ZNF215: variants seen among roughly 807,000 people sequenced by gnomAD.
ZNF215 encodes the protein zinc finger protein 215.
In ZNF215, 24 loss-of-function variants were observed where a neutral mutation model predicts 27.2. The ratio of observed to expected loss-of-function variants is 0.88; its 90% CI spans 0.64 to 1.24. The LOEUF is 1.24. Ranked by LOEUF, ZNF215 falls within the 50% of genes most tolerant of loss-of-function variation. The pLI is 0.00. For missense variants in ZNF215, 675 were observed against 605.7 expected, an observed-to-expected ratio of 1.11 and a Z score of -1.20; for synonymous variants, 210 against 204.0, an observed-to-expected ratio of 1.03 and a Z score of -0.25.
downstream of ZNF215, among the ~76,000 whole-genome samples, chr11:6,986,510 A>G (rs1165369655): frequency 6.6e-6 from 1 of 152,090 alleles, no homozygotes; most frequent in Admixed American, 6.5e-5. Context: ...CAAACCAAAA[A>G]CTGACAAGTG....
downstream of ZNF215, among the ~76,000 whole-genome samples, chr11:6,986,280 A>T (rs1851052575): frequency 6.6e-6 from 1 of 152,164 alleles, no homozygotes; most frequent in Non-Finnish European, 1.5e-5. Flanking sequence ...CAATGGTGAA[A>T]AAACTCCCTA....
Position 6,957,076 on chromosome 11 carries a change from G to T in ZNF215, c.*545G>T. 1.0e-6 allele frequency: 1 copy of T among 985,776 alleles called. No homozygotes were observed. The highest frequency in any genetic ancestry group is 1.2e-6 in the Non-Finnish European group (1 of 830,186). 61.1% of individuals were successfully genotyped at this position (985,776 alleles called of 1,614,324 possible). A position where few individuals can be genotyped will look rare whatever the true frequency, so the allele number is the denominator to read the frequency against. On this transcript the variant is annotated 3_prime_UTR_variant, in exon 7 of 7. Transcript: ENST00000278319. The stretch of plus-strand genomic sequence containing the variant: ...TGACAATACCCTTTGTTGTCTTGCT[G>T]TTGAATGGAGACTAGAGTTGGGAAA...
Position 6,966,646 on chromosome 11 carries a change from T to C in ZNF215, c.805+10864T>C, listed in dbSNP as rs141275933. ...TTTCCTGATAGCATAACTTGTATTC[T>C]CCATTTATCTCTTAGTCTGGCTACT... On this transcript the variant is annotated intron_variant, in intron 5 of 5. Transcript: ENST00000529903. 2.5e-3 allele frequency among the ~76,000 whole-genome samples: 379 copies of C among 152,286 alleles called. 3 individuals are homozygous for C. Among genetic ancestry groups the C allele is most frequent in the Non-Finnish European group, 1.8e-3 (121 of 68,030 alleles).
At chr11:6,947,046 T>A (rs1233780210) in intron 6 of ZNF215, among the ~76,000 whole-genome samples, 4 of 152,240 alleles carry the variant, frequency 2.6e-5, no homozygotes, top group Non-Finnish European at 5.9e-5. Context: ...TTTTTTACTT[T>A]TATTCATGGT....
intron 5 of ZNF215, among the ~76,000 whole-genome samples, chr11:6,966,204 G>C (rs1850614654): frequency 6.6e-6 from 1 of 152,096 alleles, no homozygotes; most frequent in Non-Finnish European, 1.5e-5. Flanking sequence ...CATGTCCTTT[G>C]CAGCGGCATG....
intron 6 of ZNF215, among the ~76,000 whole-genome samples, chr11:6,945,933 G>C (rs777108677): frequency 1.3e-5 from 2 of 152,184 alleles, no homozygotes; most frequent in African/African-American, 4.8e-5. Context: ...ATATCTTAAA[G>C]ATGCCTTAAA....
downstream of ZNF215, among the ~76,000 whole-genome samples, chr11:6,961,556 AT>A (rs1183898386): frequency 2.0e-5 from 3 of 152,124 alleles, no homozygotes; most frequent in African/African-American, 4.8e-5. Flanking sequence ...TGTCACCAGG[AT>A]ATGCATTTAA....
chr11:6,986,685 G>T (rs114711549), downstream of ZNF215, among the ~76,000 whole-genome samples: 1,391 of 151,890 alleles, frequency 9.2e-3, 29 homozygotes, highest in African/African-American at 0.032. Context: ...CATTAAAAAT[G>T]AGCAAAGGAC....
intron 5 of ZNF215, among the ~76,000 whole-genome samples, chr11:6,982,835 AC>A (rs1850985640): frequency 6.6e-6 from 1 of 152,076 alleles, no homozygotes; most frequent in Non-Finnish European, 1.5e-5. Context: ...CCCTAACATC[AC>A]AATTAAAAGA....
chr11:6,978,797 A>G (rs1398238340), intron 5 of ZNF215, among the ~76,000 whole-genome samples: 3 of 152,034 alleles, frequency 2.0e-5, no homozygotes, highest in Admixed American at 6.6e-5. Context: ...TTTCAACTTT[A>G]TGCTTGAAAA....
downstream of ZNF215, among the ~76,000 whole-genome samples, chr11:6,991,079 C>T (rs1851111380): frequency 6.6e-6 from 1 of 152,204 alleles, no homozygotes; most frequent in South Asian, 2.1e-4. Flanking sequence ...CAAAGCTTTC[C>T]AGCCTCATCA....
chr11:6,947,035 G>GT (rs1849838281), intron 6 of ZNF215, among the ~76,000 whole-genome samples: 1 of 151,954 alleles, frequency 6.6e-6, no homozygotes, highest in Non-Finnish European at 1.5e-5. Context: ...TCAGAGTTTT[G>GT]TTTTTTACTT....
At chr11:6,985,671 A>G (rs568600732), downstream of ZNF215, among the ~76,000 whole-genome samples, 1 of 152,344 alleles carries the variant, frequency 6.6e-6, no homozygotes, top group East Asian at 1.9e-4. Flanking sequence ...TAGAGCTTAT[A>G]AACAATTTCA....
chr11:6,982,493 C>T (rs1164335459), intron 5 of ZNF215, among the ~76,000 whole-genome samples: 1 of 152,058 alleles, frequency 6.6e-6, no homozygotes, highest in Non-Finnish European at 1.5e-5. Flanking sequence ...CCAAAATTGA[C>T]CACATACTTG....
downstream of ZNF215, among the ~76,000 whole-genome samples, chr11:6,987,184 A>G (rs1851067091): frequency 6.6e-6 from 1 of 152,226 alleles, no homozygotes; most frequent in African/African-American, 2.4e-5. Flanking sequence ...AAGGAATACT[A>G]TGAAGCCATA....
chr11:6,937,108 T>C lies in ZNF215; in HGVS notation c.400+4436T>C, dbSNP rs142942321. Among the ~76,000 whole-genome samples the C allele has an allele frequency of 6.0e-3, 908 of 151,978 alleles. 5 individuals are homozygous for C. The highest frequency in any genetic ancestry group is 0.01 in the Non-Finnish European group (705 of 67,808). On this transcript the variant is annotated intron_variant, in intron 3 of 6. Coordinates refer to ENST00000278319, the MANE Select transcript of ZNF215 (RefSeq NM_013250.4). ...AATTAGGCAAGAAAAAAAGAAAAGG[T>C]ATCATGATTGGAAAGGAAGAAGTAA... is the stretch of plus-strand genomic sequence containing the variant.
chr11:6,948,133 G>A (rs933526799), intron 6 of ZNF215, among the ~76,000 whole-genome samples: 1 of 152,198 alleles, frequency 6.6e-6, no homozygotes, highest in African/African-American at 2.4e-5. Context: ...AGGATGGGGA[G>A]TGTGGCAAAG....
intron 3 of ZNF215, among the ~76,000 whole-genome samples, chr11:6,939,041 G>A (rs1338295907): frequency 6.6e-6 from 1 of 152,090 alleles, no homozygotes; most frequent in Non-Finnish European, 1.5e-5. Context: ...TATACAAAAA[G>A]CAAGGAAGTA....
rs75212620 is a variant in ZNF215, at chr11:6,957,415, A to G, written c.*884A>G. On this transcript the variant is annotated 3_prime_UTR_variant, in exon 7 of 7. Coordinates refer to ENST00000278319, the MANE Select transcript of ZNF215 (RefSeq NM_013250.4). The stretch of plus-strand genomic sequence containing the variant: ...CCCTGCAGTGGAATGGCTCCTAATC[A>G]GGGTTTGTTCCCACCATTGCCCTGA... The G allele has an allele frequency of 4.7e-4, 80 of 169,828 alleles. No individual in the cohort carries two copies. The highest frequency in any genetic ancestry group is 1.8e-3 in the African/African-American group (77 of 41,938). 10.5% of individuals were successfully genotyped at this position (169,828 alleles called of 1,614,324 possible).
Sources: gnomAD v4.1 joint callset for allele counts (sites outside exome capture counted in the v4.1 genomes callset) on GRCh38, gnomAD v4.1.1 for gene constraint, MANE v1.5 for transcripts, NCBI Gene and HGNC (gene_info 2026-07-23, HGNC 2026-07-21) for gene names.